The following C6orf89 variants were observed in gnomAD, a reference collection of about 807,000 sequenced individuals.
The protein encoded by C6orf89 is bombesin receptor-activated protein C6orf89.
In C6orf89, 29 loss-of-function variants were observed where a neutral mutation model predicts 40.7. The ratio of observed to expected loss-of-function variants is 0.71; its 90% confidence interval spans 0.53 to 0.97. The LOEUF (loss-of-function observed/expected upper bound fraction) is 0.97, where lower values mean the gene tolerates loss of function less well. Ranked by LOEUF, C6orf89 falls within the 50% of genes least tolerant of loss-of-function variation. C6orf89 has a pLI of 0.00. For missense variants in C6orf89, 392 were observed against 429.1 expected, an observed-to-expected ratio of 0.91 and a Z score of 0.76; for synonymous variants, 165 against 152.2, an observed-to-expected ratio of 1.08 and a Z score of -0.62.
In C6orf89 at chr6:36,923,434, A is replaced by G; in HGVS notation, c.1037A>G (p.Glu346Gly). 1 of 1,612,982 alleles carries G rather than the reference A, an allele frequency of 6.2e-7. No individual in the cohort carries two copies. Among genetic ancestry groups the G allele is most frequent in the Non-Finnish European group, 8.5e-7 (1 of 1,178,920 alleles). Residue 346 changes from glutamate to glycine, a missense_variant, in exon 9 of 9, where the codon GAA becomes GGA. Physicochemically the swap from Glu to Gly is moderately conservative, Grantham distance 98 (BLOSUM62 -2). Coordinates refer to ENST00000480824, the MANE Select transcript of C6orf89 (RefSeq NM_001286635.2). ...LVICDGTAFS[E>G]L ...ATCTGCGATGGAACCGCTTTCTCAG[A>G]ACTGTAGGAAATAGAACTGTGCACA...
Position 36,899,651 on chromosome 6 carries a change from T to C in C6orf89, c.189+18T>C. On this transcript the variant is annotated intron_variant, in intron 3 of 8. Transcript: ENST00000480824. ...TGTATAAGGTAAAATGTTTCCTGAG[T>C]TGGTAATTGCTTCAACAGAACACAA... is the stretch of plus-strand genomic sequence containing the variant. 1 of 1,609,742 alleles carries C rather than the reference T, an allele frequency of 6.2e-7. No individual in the cohort carries two copies. Among genetic ancestry groups the C allele is most frequent in the Non-Finnish European group, 8.5e-7 (1 of 1,176,198 alleles).
chr6:36,919,166 A>G (rs1481528041), intron 7 of C6orf89, among the ~76,000 whole-genome samples: 3 of 152,240 alleles, frequency 2.0e-5, no homozygotes, highest in Non-Finnish European at 2.9e-5. Context: ...TTCAGCCACC[A>G]TGTGCTGGTT....
intron 3 of C6orf89, among the ~76,000 whole-genome samples, chr6:36,901,918 G>A (rs527933018): frequency 6.7e-4 from 102 of 152,066 alleles, no homozygotes; most frequent in African/African-American, 2.3e-3. Context: ...TGATCTGCCC[G>A]CCTCGGCCTC....
intron 1 of C6orf89, 85 bp downstream of exon 1, chr6:36,886,113 C>G (rs1774975006): frequency 6.3e-6 from 7 of 1,113,384 alleles, no homozygotes; most frequent in Non-Finnish European, 8.0e-6. Flanking sequence ...CCTCGCGCAG[C>G]CGCTTCTCGC....
intron 4 of C6orf89, among the ~76,000 whole-genome samples, chr6:36,906,561 A>G (rs1455533318): frequency 1.3e-5 from 2 of 152,126 alleles, no homozygotes; most frequent in African/African-American, 4.8e-5. Context: ...TTTTTGTACA[A>G]GTGAGAACTC....
At chr6:36,905,339 G>A (rs939815238) in intron 4 of C6orf89, among the ~76,000 whole-genome samples, 43 of 152,184 alleles carry the variant, frequency 2.8e-4, no homozygotes, top group African/African-American at 9.2e-4. Flanking sequence ...GTAGTCTGTA[G>A]CTGTGCAGTA....
At position 36,928,828 on chromosome 6, in the gene C6orf89, G is replaced by T. The variant is rs1762770129; in HGVS notation, c.*5387G>T. 1 of 152,252 alleles carries T rather than the reference G, an allele frequency of 6.6e-6. No homozygotes were observed. Among genetic ancestry groups the T allele is most frequent in the Non-Finnish European group, 1.5e-5 (1 of 68,080 alleles). 9.4% of individuals were successfully genotyped at this position (152,252 alleles called of 1,614,324 possible). A position where few individuals can be genotyped will look rare whatever the true frequency, so the allele number is the denominator to read the frequency against. ...CAGCCACAGCGGCTCTGAATGGCTT[G>T]AGCTTTTAGTATGTGTTCAAGTGCA... On this transcript the variant is annotated 3_prime_UTR_variant, in exon 9 of 9. Coordinates refer to ENST00000480824, the MANE Select transcript of C6orf89 (RefSeq NM_001286635.2).
intron 4 of C6orf89, among the ~76,000 whole-genome samples, chr6:36,907,975 C>T (rs1328382019): frequency 6.6e-6 from 1 of 152,118 alleles, no homozygotes; most frequent in Non-Finnish European, 1.5e-5. Context: ...TCAGACAAAA[C>T]CTTTTCAGAT....
At chr6:36,881,804 C>A (rs1285710964), upstream of C6orf89, among the ~76,000 whole-genome samples, 31 of 151,722 alleles carry the variant, frequency 2.0e-4, 1 homozygote, top group Admixed American at 2.0e-3. Context: ...AAAAGCACAA[C>A]AGAGTTTTCT....
chr6:36,923,201 G>T, intron 8 of C6orf89, 146 bp from the exon 9 acceptor site: 1 of 601,770 alleles, frequency 1.7e-6, no homozygotes, highest in African/African-American at 1.9e-5. Flanking sequence ...AGAAAAAAAA[G>T]GAAACTAAAT....
chr6:36,907,893 TGG>T (rs1204556944), intron 4 of C6orf89, among the ~76,000 whole-genome samples: 5 of 152,334 alleles, frequency 3.3e-5, no homozygotes, highest in Non-Finnish European at 7.3e-5. Context: ...TGTGTGCTGT[TGG>T]CTGTTTCCCA....
intron 1 of C6orf89, 96 bp from the exon 2 acceptor site, chr6:36,894,408 T>G: frequency 6.3e-6 from 2 of 319,910 alleles, no homozygotes; most frequent in Non-Finnish European, 9.0e-6. Flanking sequence ...AATGTCTTTG[T>G]TAGTTTAAAC....
chr6:36,896,919 G>A (rs904324684), intron 2 of C6orf89, among the ~76,000 whole-genome samples: 3 of 152,004 alleles, frequency 2.0e-5, no homozygotes, highest in African/African-American at 4.8e-5. Context: ...CCTGAGGTCA[G>A]GAGTTCGAGA....
chr6:36,894,445 A>C, intron 1 of C6orf89, 59 bp from the exon 2 acceptor site: 1 of 789,900 alleles, frequency 1.3e-6, no homozygotes, highest in Non-Finnish European at 1.5e-6. Context: ...AGAATCACTG[A>C]TCACAAAACC....
chr6:36,923,477 C>T lies in C6orf89; in HGVS notation c.*36C>T, dbSNP rs757336141. 5.9e-6 allele frequency: 9 copies of T among 1,520,962 alleles called. No individual in the cohort carries two copies. The highest frequency in any genetic ancestry group is 1.7e-4 in the Middle Eastern group (1 of 5,888). The allele number at this position is 1,520,962 out of a possible 1,614,324, so 94.2% of individuals were successfully genotyped here. A position where few individuals can be genotyped will look rare whatever the true frequency, so the allele number is the denominator to read the frequency against. Reference sequence around the variant, plus strand: ...TGTGCACAGGAACAGCTTCCAGAGCCGAAAACCAGGTTGAAAGGGGAAAAA... The same window carrying T: ...TGTGCACAGGAACAGCTTCCAGAGCTGAAAACCAGGTTGAAAGGGGAAAAA... On this transcript the variant is annotated 3_prime_UTR_variant, in exon 9 of 9. Transcript: ENST00000480824.
intron 2 of C6orf89, among the ~76,000 whole-genome samples, chr6:36,895,329 GT>G (rs1390905850): frequency 6.6e-6 from 1 of 152,044 alleles, no homozygotes; most frequent in Non-Finnish European, 1.5e-5. Flanking sequence ...ATTTCTGGGG[GT>G]TTTTTTGGTG....
At chr6:36,922,947 C>G (rs1409550759) in intron 8 of C6orf89, among the ~76,000 whole-genome samples, 1 of 152,072 alleles carries the variant, frequency 6.6e-6, no homozygotes, top group African/African-American at 2.4e-5. Context: ...TTCACAGTTC[C>G]CTGGGTGAGG....
chr6:36,924,953 T>C lies in C6orf89; in HGVS notation c.*1512T>C, dbSNP rs1048755549. 6.6e-6 allele frequency: 1 copy of C among 152,176 alleles called. No homozygotes were observed. Among genetic ancestry groups the C allele is most frequent in the Non-Finnish European group, 1.5e-5 (1 of 68,026 alleles). The allele number at this position is 152,176 out of a possible 1,614,324, so 9.4% of individuals were successfully genotyped here. On this transcript the variant is annotated 3_prime_UTR_variant, in exon 9 of 9. Coordinates refer to ENST00000480824, the MANE Select transcript of C6orf89 (RefSeq NM_001286635.2). Reference sequence around the variant, plus strand: ...GACCATTGAGCACTTGAATGGCCTGTTTGTCTATGGGCTTGCAAAGGACAA... The same window carrying C: ...GACCATTGAGCACTTGAATGGCCTGCTTGTCTATGGGCTTGCAAAGGACAA...
chr6:36,874,566 T>C (rs1477278368), intron 1 of C6orf89: 5 of 1,081,592 alleles, frequency 4.6e-6, no homozygotes, highest in East Asian at 2.6e-5. Flanking sequence ...GGCGGTCCCC[T>C]CTCAACCCTC....
Sources: gnomAD v4.1 joint callset for allele counts (sites outside exome capture counted in the v4.1 genomes callset) on GRCh38, gnomAD v4.1.1 for gene constraint, MANE v1.5 for transcripts, NCBI Gene and HGNC (gene_info 2026-07-23, HGNC 2026-07-21) for gene names.